Variants in PPP2R3B observed in about 807,000 individuals in gnomAD.
PPP2R3B encodes serine/threonine-protein phosphatase 2A regulatory subunit B'' subunit beta.
PPP2R3B carries 68 observed loss-of-function variants against 72.9 expected under a neutral mutation model. The observed-to-expected ratio is 0.93, with a 90% confidence interval of 0.77 to 1.14. The LOEUF (loss-of-function observed/expected upper bound fraction) is 1.14, where lower values mean the gene tolerates loss of function less well. PPP2R3B is among the 50% of genes most tolerant of loss of function. The pLI is 0.00. For synonymous variants in PPP2R3B, 466 were observed against 375.8 expected, an observed-to-expected ratio of 1.24 and a Z score of -2.78; for missense variants, 1,018 against 842.0, an observed-to-expected ratio of 1.21 and a Z score of -2.59.
At position 338,617 on chromosome X, in the gene PPP2R3B, G is replaced by C; in HGVS notation, c.1564C>G (p.Pro522Ala). ...CTCCCCACTCACCCGTCCTCCCAGGGCTCTCCCGCAGTCTCCTCGGCCACC... is the reference window on the plus strand; with the variant it reads ...CTCCCCACTCACCCGTCCTCCCAGGCCTCTCCCGCAGTCTCCTCGGCCACC... ...ILVAEETAGE[P>A]WEDGFEAELS... is the part of the protein sequence containing the mutation. The change falls in exon 12 of 13, where the codon CCC becomes GCC. Residue 522 changes from proline (P) to alanine (A), a missense_variant. By Grantham distance (27) the Pro-to-Ala change is conservative (BLOSUM62 -1). Coordinates refer to ENST00000390665, the MANE Select transcript of PPP2R3B (RefSeq NM_013239.5). 6.2e-7 allele frequency: 1 copy of C among 1,609,342 alleles called. No homozygotes were observed. The highest frequency in any genetic ancestry group is 8.5e-7 in the Non-Finnish European group (1 of 1,179,260).
intron 7 of PPP2R3B, 66 bp from the exon 8 acceptor site, chrX:341,997 G>C: frequency 6.3e-7 from 1 of 1,589,364 alleles, no homozygotes; most frequent in Non-Finnish European, 8.6e-7. Context: ...CCACCCCCCG[G>C]AGCCGAGACT....
intron 2 of PPP2R3B, among the ~76,000 whole-genome samples, chrX:350,325 G>A (rs183565507): frequency 6.9e-4 from 105 of 152,320 alleles, no homozygotes; most frequent in African/African-American, 2.3e-3. Context: ...CGGCTCTGCC[G>A]CGGCCAAGGT....
intron 8 of PPP2R3B, 45 bp from the exon 9 acceptor site, chrX:341,441 A>G: frequency 6.3e-7 from 1 of 1,596,706 alleles, no homozygotes; most frequent in South Asian, 1.1e-5. Flanking sequence ...CATGTCAGGG[A>G]GAGCTTCACA....
intron 2 of PPP2R3B, among the ~76,000 whole-genome samples, chrX:360,852 C>T (rs763831395): frequency 4.6e-5 from 7 of 152,322 alleles, no homozygotes; most frequent in African/African-American, 1.4e-4. Context: ...CATCTGTGGG[C>T]GTCCAGGCGG....
rs2124443084 is a variant in PPP2R3B at position 386,385 on chromosome X, A to C, written c.307T>G (p.Ser103Ala). 7.6e-7 allele frequency: 1 copy of C among 1,320,386 alleles called. No individual in the cohort carries two copies. Among genetic ancestry groups the C allele is most frequent in the African/African-American group, 1.5e-5 (1 of 66,444 alleles). 81.8% of individuals were successfully genotyped at this position (1,320,386 alleles called of 1,614,324 possible). A position where few individuals can be genotyped will look rare whatever the true frequency, so the allele number is the denominator to read the frequency against. ...NAPHVRGTRRSAGTRVVQTRK... is the reference protein window; with the variant it reads ...NAPHVRGTRRAAGTRVVQTRK... ...TAACTTACTACTCTCGTCCCTGCGG[A>C]TCTACGGGTGCCTCGAACGTGGGGC... is the stretch of plus-strand genomic sequence containing the variant. The change falls in exon 1 of 13, where the codon TCC becomes GCC. Residue 103 changes from serine to alanine, a missense_variant. Transcript: ENST00000390665.
intron 1 of PPP2R3B, among the ~76,000 whole-genome samples, chrX:368,752 AGGCCG>A (rs1453366120): frequency 1.3e-4 from 15 of 111,820 alleles, no homozygotes; most frequent in Admixed American, 1.7e-4. Flanking sequence ...GACGGGGGGA[AGGCCG>A]GGACCACCCA....
intron 9 of PPP2R3B, 138 bp from the exon 10 acceptor site, chrX:341,078 CTG>C (rs2071057636): frequency 7.7e-7 from 1 of 1,303,632 alleles, no homozygotes; most frequent in Non-Finnish European, 1.1e-6. Flanking sequence ...CAGGCATCCC[CTG>C]CCCCCTGCCG....
rs56072203 is a variant in PPP2R3B at position 341,638 on chromosome X, G to A, written c.1086-242C>T. On this transcript the variant is annotated intron_variant, in intron 8 of 12. Coordinates refer to ENST00000390665, the MANE Select transcript of PPP2R3B (RefSeq NM_013239.5). ...TCGTTACTGCTCACTCAGGCCCAGCGCCCGACAAGAACCCCCGACCTGGGG... is the reference window on the plus strand; with the variant it reads ...TCGTTACTGCTCACTCAGGCCCAGCACCCGACAAGAACCCCCGACCTGGGG... The A allele has an allele frequency of 2.5e-3, 1,610 of 644,432 alleles. 5 individuals are homozygous for A. Among genetic ancestry groups the A allele is most frequent in the Non-Finnish European group, 3.7e-3 (1,355 of 365,814 alleles). The allele number at this position is 644,432 out of a possible 1,614,324, so 39.9% of individuals were successfully genotyped here.
In PPP2R3B at chrX:341,730, A is replaced by T. The variant is rs780413953; in HGVS notation, c.1085+153T>A. On this transcript the variant is annotated intron_variant, in intron 8 of 12. Transcript: ENST00000390665. ...TGCCACCCCCCCCCACTAGGGATTCACGTGACAGAGACACGTGCCCCCCTC... is the reference window on the plus strand; with the variant it reads ...TGCCACCCCCCCCCACTAGGGATTCTCGTGACAGAGACACGTGCCCCCCTC... 1,353 of 850,730 alleles carry T rather than the reference A, an allele frequency of 1.6e-3. 4 individuals are homozygous for T. Among genetic ancestry groups the T allele is most frequent in the Non-Finnish European group, 2.3e-3 (1,180 of 507,202 alleles). The allele number at this position is 850,730 out of a possible 1,614,324, so 52.7% of individuals were successfully genotyped here.
At chrX:357,430 A>G (rs5987277) in intron 2 of PPP2R3B, among the ~76,000 whole-genome samples, 47,961 of 151,874 alleles carry the variant, frequency 0.32, 8,449 homozygotes, top group African/African-American at 0.46. Context: ...AAAGATGACC[A>G]TAGATATTCA....
In PPP2R3B at chrX:334,329, T is replaced by TG. The variant is rs770942385; in HGVS notation, c.*37dup. ...GCCGCGGTGGCCCGGTGGTGGCACGTGGGGAGCGGCCCCGCGGCGGCGTTC... is the reference window on the plus strand; with the variant it reads ...GCCGCGGTGGCCCGGTGGTGGCACGTGGGGGAGCGGCCCCGCGGCGGCGTTC... On this transcript the variant is annotated 3_prime_UTR_variant, in exon 13 of 13. Transcript: ENST00000390665. The TG allele has an allele frequency of 3.3e-5, 48 of 1,447,958 alleles. No individual in the cohort carries two copies. The South Asian group carries it at 5.3e-4, about 16-fold the overall frequency. The allele number at this position is 1,447,958 out of a possible 1,614,324, so 89.7% of individuals were successfully genotyped here.
At chrX:355,545 G>T (rs1453777351) in intron 2 of PPP2R3B, among the ~76,000 whole-genome samples, 2 of 152,192 alleles carry the variant, frequency 1.3e-5, no homozygotes, top group African/African-American at 4.8e-5. Context: ...CAGCGTGCAG[G>T]TTCCCCAGAA....
chrX:367,511 C>T (rs750125945), intron 1 of PPP2R3B, among the ~76,000 whole-genome samples: 4 of 152,174 alleles, frequency 2.6e-5, no homozygotes, highest in African/African-American at 9.6e-5. Flanking sequence ...GATTCTCCTG[C>T]CTCAGCCTCC....
chrX:375,201 C>T (rs773049090), intron 1 of PPP2R3B, among the ~76,000 whole-genome samples: 14 of 152,332 alleles, frequency 9.2e-5, no homozygotes, highest in Admixed American at 4.6e-4. Context: ...ATTCAGAAGT[C>T]GGCCTCTGAC....
chrX:345,439 G>GCTGCAGAC, intron 7 of PPP2R3B, 77 bp downstream of exon 7: 1 of 1,582,114 alleles, frequency 6.3e-7, no homozygotes, highest in South Asian at 1.1e-5. Context: ...AGGAGAGGCA[G>GCTGCAGAC]CTGCAGACCC....
chrX:351,728 T>C lies in PPP2R3B; in HGVS notation c.511-4035A>G, dbSNP rs2071336875. Among the ~76,000 whole-genome samples, 6 of 150,556 alleles carry C rather than the reference T, an allele frequency of 4.0e-5. No homozygotes were observed. The South Asian group carries it at 1.3e-3, about 32-fold the overall frequency. On this transcript the variant is annotated intron_variant, in intron 2 of 12. Transcript: ENST00000390665. ...ATTCTACTTGTTTTTCGAGACACGG[T>C]CTTGCTGTTGCCCAGGCTGGAGTGC...
intron 12 of PPP2R3B, 108 bp downstream of exon 12, chrX:338,496 C>T: frequency 1.7e-6 from 2 of 1,158,060 alleles, no homozygotes; most frequent in South Asian, 1.4e-5. Context: ...CCTGACTGAC[C>T]CCGCATCCCC....
Position 344,377 on chromosome X carries a change from G to A in PPP2R3B, c.1036+1139C>T, listed in dbSNP as rs746209941. Reference sequence around the variant, plus strand: ...GTGAAAGCACCGTCGCCGTCAGCTTGGGCCACGAGAAGGTCCCGCAGCCTG... The same window carrying A: ...GTGAAAGCACCGTCGCCGTCAGCTTAGGCCACGAGAAGGTCCCGCAGCCTG... On this transcript the variant is annotated intron_variant, in intron 7 of 12. Coordinates refer to ENST00000390665, the MANE Select transcript of PPP2R3B (RefSeq NM_013239.5). Among the ~76,000 whole-genome samples the A allele has an allele frequency of 1.2e-4, 18 of 152,200 alleles. 1 individual carries two copies. The highest frequency in any genetic ancestry group is 1.9e-4 in the Non-Finnish European group (13 of 68,036).
rs779875054 is a variant in PPP2R3B, at chrX:338,854, T to C, written c.1394A>G (p.Asn465Ser). The part of the protein sequence containing the change: ...LQDLKRCKLA[N>S]VFFDTFFNIE... ...GTTGAAGAAGGTGTCGAAGAAGACG[T>C]TAGCCAGCTTGCAGCGCTTCAGGTC... Residue 465 changes from asparagine (N) to serine (S), a missense_variant, in exon 11 of 13, where the codon AAC becomes AGC. Physicochemically the swap from Asn to Ser is conservative, Grantham distance 46. Transcript: ENST00000390665. 3.9e-5 allele frequency: 63 copies of C among 1,612,338 alleles called. No homozygotes were observed. Among genetic ancestry groups the C allele is most frequent in the East Asian group, 1.1e-4 (5 of 44,888 alleles).
Sources: gnomAD v4.1 joint callset for allele counts (sites outside exome capture counted in the v4.1 genomes callset) on GRCh38, gnomAD v4.1.1 for gene constraint, MANE v1.5 for transcripts, NCBI Gene and HGNC (gene_info 2026-07-23, HGNC 2026-07-21) for gene names.